CKAP5: variants seen among roughly 807,000 people sequenced by gnomAD.
CKAP5 encodes cytoskeleton associated protein 5, also known as cytoskeleton-associated protein 5.
A neutral mutation model predicts 232.8 loss-of-function variants in CKAP5; 27 were observed. The observed-to-expected ratio is 0.12, with a 90% confidence interval of 0.09 to 0.16. The LOEUF is 0.16. CKAP5 is among the 10% of genes least tolerant of loss of function. The pLI is 1.00. For synonymous variants in CKAP5, 785 were observed against 841.1 expected, an observed-to-expected ratio of 0.93 and a Z score of 1.16; for missense variants, 1,838 against 2,424.7, an observed-to-expected ratio of 0.76 and a Z score of 5.08.
intron 33 of CKAP5, chr11:46,760,356 T>C (rs1388450036): frequency 1.6e-6 from 1 of 628,416 alleles, no homozygotes; most frequent in Non-Finnish European, 2.9e-6. Flanking sequence ...ACTTACATCC[T>C]ATAAGTGCGA....
Position 46,744,559 on chromosome 11 carries a change from T to G in CKAP5, c.5723A>C (p.Glu1908Ala). 5 of 1,614,102 alleles carry G rather than the reference T, an allele frequency of 3.1e-6. No individual in the cohort carries two copies. Among genetic ancestry groups the G allele is most frequent in the Non-Finnish European group, 4.2e-6 (5 of 1,179,990 alleles). ...STSTGISPQMEVTCVPTPTST... is the reference protein window; with the variant it reads ...STSTGISPQMAVTCVPTPTST... ...TGTGGGCGTGGGCACACATGTGACT[T>G]CCATCTGAGGGGAGATGCCTAGAGG... is the stretch of plus-strand genomic sequence containing the variant. Residue 1908 changes from glutamate to alanine, a missense_variant, in exon 43 of 44, where the codon GAA (glutamate) becomes GCA (alanine). By Grantham distance (107) the Glu-to-Ala change is moderately radical (BLOSUM62 -1). Coordinates refer to ENST00000529230, the MANE Select transcript of CKAP5 (RefSeq NM_001008938.4).
At position 46,750,205 on chromosome 11, in the gene CKAP5, C is replaced by G. The variant is rs528465389; in HGVS notation, c.5704+69G>C. The G allele has an allele frequency of 1.7e-5, 26 of 1,504,248 alleles. No homozygotes were observed. In the African/African-American group the frequency reaches 3.4e-4, roughly 19 times the overall value. 93.2% of individuals were successfully genotyped at this position (1,504,248 alleles called of 1,614,324 possible). ...TTCATGGATATGAATTTAAACTAAC[C>G]AAAACTTCAGGTTCCTGTGCTAGGA... On this transcript the variant is annotated intron_variant, in intron 42 of 43. Transcript: ENST00000529230.
chr11:46,816,218 C>T lies in CKAP5; in HGVS notation c.438G>A (p.Glu146=), dbSNP rs1172391658. The T allele has an allele frequency of 4.3e-6, 7 of 1,613,936 alleles. No homozygotes were observed. In the Admixed American group the frequency reaches 8.3e-5, roughly 19 times the overall value. The change falls in exon 4 of 44, where the codon GAG becomes GAA. Residue 146 remains glutamate, a synonymous_variant. Coordinates refer to ENST00000529230, the MANE Select transcript of CKAP5 (RefSeq NM_001008938.4). ...CTTACCTTAAGGCTTTCCTCAGTGT[C>T]TCTATACAGGCCACTATGATCTTGG... ...KNPKIIVACI[E]TLRKALSEFG...
At chr11:46,784,384 A>C (rs2065369382) in intron 17 of CKAP5, 104 bp downstream of exon 17, 1 of 951,416 alleles carries the variant, frequency 1.1e-6, no homozygotes. Context: ...AGTATCAAAA[A>C]AGATTTTACT....
At chr11:46,747,332 C>A (rs748210064) in intron 42 of CKAP5, among the ~76,000 whole-genome samples, 10 of 152,044 alleles carry the variant, frequency 6.6e-5, no homozygotes, top group Non-Finnish European at 1.0e-4. Flanking sequence ...ACTGGCCAGG[C>A]ACAGTGGCTC....
chr11:46,830,366 G>A (rs981882816), intron 1 of CKAP5, among the ~76,000 whole-genome samples: 2 of 150,058 alleles, frequency 1.3e-5, no homozygotes, highest in African/African-American at 4.9e-5. Context: ...GCATGAACCT[G>A]GGAGGCAGAG....
At chr11:46,792,402 A>G (rs1367092128) in intron 13 of CKAP5, among the ~76,000 whole-genome samples, 1 of 152,036 alleles carries the variant, frequency 6.6e-6, no homozygotes, top group Non-Finnish European at 1.5e-5. Flanking sequence ...AAAATACAAA[A>G]ATTAGCCAGG....
At chr11:46,762,847 T>C (rs568496448) in intron 30 of CKAP5, 85 bp from the exon 31 acceptor site, 90 of 1,469,284 alleles carry the variant, frequency 6.1e-5, no homozygotes, top group South Asian at 4.8e-4. Flanking sequence ...TTTGAAAGAA[T>C]AGGGAAATAG....
At chr11:46,771,484 G>T (rs894416866) in intron 24 of CKAP5, among the ~76,000 whole-genome samples, 6 of 151,582 alleles carry the variant, frequency 4.0e-5, no homozygotes, top group African/African-American at 1.5e-4. Context: ...ATCTTGGCTC[G>T]CAGGCCAGTG....
intron 9 of CKAP5, among the ~76,000 whole-genome samples, chr11:46,799,891 C>T (rs1938986569): frequency 6.6e-6 from 1 of 151,922 alleles, no homozygotes; most frequent in Admixed American, 6.6e-5. Flanking sequence ...GTCCCAGCTA[C>T]TCAGGAGACT....
chr11:46,783,468 G>A lies in CKAP5; in HGVS notation c.2155-100C>T, dbSNP rs978221866. The stretch of plus-strand genomic sequence containing the variant: ...ATGTGCATTAAACTAGTTTTCTGAC[G>A]CTAAAACAACTGCAAGAATGCCTTA... On this transcript the variant is annotated intron_variant, in intron 17 of 43. Coordinates refer to ENST00000529230, the MANE Select transcript of CKAP5 (RefSeq NM_001008938.4). 3.1e-5 allele frequency: 21 copies of A among 683,216 alleles called. No individual in the cohort carries two copies. In the East Asian group the frequency reaches 5.3e-4, roughly 17 times the overall value. 42.3% of individuals were successfully genotyped at this position (683,216 alleles called of 1,614,324 possible). A position where few individuals can be genotyped will look rare whatever the true frequency, so the allele number is the denominator to read the frequency against.
Position 46,780,296 on chromosome 11 carries a change from G to A in CKAP5, c.2331C>T (p.Thr777=), listed in dbSNP as rs772173216. The change falls in exon 20 of 44, where the codon ACC becomes ACT. Residue 777 remains threonine (T), a synonymous_variant. Transcript: ENST00000529230. The part of the protein sequence containing the change: ...TNPAVRTAAI[T]LLGVMYLYVG... ...CATACAGATACATCACGCCAAGCAG[G>A]GTTATGGCAGCAGTCCTCACAGCCT... The A allele has an allele frequency of 1.2e-6, 2 of 1,614,016 alleles. No individual in the cohort carries two copies. Among genetic ancestry groups the A allele is most frequent in the Admixed American group, 1.7e-5 (1 of 60,010 alleles).
chr11:46,836,551 A>AAAT (rs961722220), intron 1 of CKAP5, among the ~76,000 whole-genome samples: 2 of 152,074 alleles, frequency 1.3e-5, no homozygotes, highest in South Asian at 2.1e-4. Context: ...CATCTCTTTA[A>AAAT]AATAATAATA....
chr11:46,811,285 T>A, intron 4 of CKAP5, 107 bp from the exon 5 acceptor site: 2 of 892,352 alleles, frequency 2.2e-6, no homozygotes, highest in South Asian at 2.1e-5. Context: ...TTAGAAGAAT[T>A]ATATAAGTTC....
chr11:46,752,193 T>TACACAC (rs1156472710), intron 38 of CKAP5, among the ~76,000 whole-genome samples: 19 of 66,504 alleles, frequency 2.9e-4, no homozygotes, highest in Middle Eastern at 8.2e-3. Context: ...TATATATATA[T>TACACAC]ACACACACAC....
chr11:46,845,709 G>A (rs1347630159), intron 1 of CKAP5, among the ~76,000 whole-genome samples: 2 of 152,216 alleles, frequency 1.3e-5, no homozygotes, highest in Non-Finnish European at 2.9e-5. Flanking sequence ...GATCGGAATC[G>A]TTCACATCGC....
intron 13 of CKAP5, among the ~76,000 whole-genome samples, chr11:46,792,516 G>A (rs577726290): frequency 6.6e-5 from 10 of 151,916 alleles, no homozygotes; most frequent in South Asian, 2.1e-4. Context: ...TCGTGCCACC[G>A]CACTCCAGCT....
At chr11:46,776,177 CG>C (rs1275949185) in intron 24 of CKAP5, 77 bp downstream of exon 24, 15 of 1,178,696 alleles carry the variant, frequency 1.3e-5, no homozygotes, top group African/African-American at 3.1e-5. Flanking sequence ...ACCATAAATG[CG>C]TATTTATCAG....
chr11:46,837,414 A>G (rs1025668838), intron 1 of CKAP5, among the ~76,000 whole-genome samples: 1 of 152,188 alleles, frequency 6.6e-6, no homozygotes, highest in African/African-American at 2.4e-5. Context: ...ATATTTATAG[A>G]TATGTCTATA....
Sources: gnomAD v4.1 joint callset for allele counts (sites outside exome capture counted in the v4.1 genomes callset) on GRCh38, gnomAD v4.1.1 for gene constraint, MANE v1.5 for transcripts, NCBI Gene and HGNC (gene_info 2026-07-23, HGNC 2026-07-21) for gene names.